The following JARID2 variants were observed in gnomAD, a reference collection of about 807,000 sequenced individuals.
JARID2 encodes the protein protein Jumonji.
In JARID2, 21 loss-of-function variants were observed where a neutral mutation model predicts 125.6. That is an observed-to-expected ratio of 0.17 (90% confidence interval 0.12 to 0.24). JARID2 has a LOEUF of 0.24. Among genes scored for constraint, JARID2 ranks in the 10% least tolerant of loss-of-function variants. The probability of loss-of-function intolerance (pLI) is 1.00; values close to 1 mark genes in which losing one functional copy is unlikely to be tolerated. For missense variants in JARID2, 1,303 were observed against 1,639.6 expected, an observed-to-expected ratio of 0.79 and a Z score of 3.55; for synonymous variants, 736 against 661.6, an observed-to-expected ratio of 1.11 and a Z score of -1.73.
chr6:15,449,066 T>A (rs1247765205), intron 3 of JARID2, among the ~76,000 whole-genome samples: 2 of 152,106 alleles, frequency 1.3e-5, no homozygotes, highest in African/African-American at 4.8e-5. Flanking sequence ...TGAAGCTCTG[T>A]GATTGTCGGA....
chr6:15,520,512 G>C lies in JARID2; in HGVS notation c.*261G>C, dbSNP rs1482924257. On this transcript the variant is annotated 3_prime_UTR_variant, in exon 18 of 18. Coordinates refer to ENST00000341776, the MANE Select transcript of JARID2 (RefSeq NM_004973.4). ...AACCCCGGAGGGGCTGTATTAATTT[G>C]TATTGCCCCATGGCTGACAAAAGCC... 7 of 391,260 alleles carry C rather than the reference G, an allele frequency of 1.8e-5. No homozygotes were observed. The highest frequency in any genetic ancestry group is 3.2e-5 in the Non-Finnish European group (7 of 215,660). The allele number at this position is 391,260 out of a possible 1,614,324, so 24.2% of individuals were successfully genotyped here.
intron 12 of JARID2, among the ~76,000 whole-genome samples, chr6:15,509,944 T>C (rs1489154994): frequency 6.6e-6 from 1 of 152,224 alleles, no homozygotes; most frequent in Non-Finnish European, 1.5e-5. Flanking sequence ...TTAGAAACCC[T>C]GTATTTAAAT....
chr6:15,468,674 C>A lies in JARID2; in HGVS notation c.626C>A (p.Thr209Asn), dbSNP rs928811964. The A allele has an allele frequency of 6.2e-6, 10 of 1,613,666 alleles. No individual in the cohort carries two copies. In the African/African-American group the frequency reaches 1.1e-4, roughly 17 times the overall value. The part of the protein sequence containing the change: ...TNNASSSCQS[T>N]PRKGKTHKHV... ...AATGCTTCATCTTCATGCCAGTCGA[C>A]CCCCAGGAAAGGAAAAACCCACAAA... The change falls in exon 5 of 18, where the codon ACC becomes AAC. Residue 209 changes from threonine (T) to asparagine (N), a missense_variant. Transcript: ENST00000341776.
chr6:15,448,324 T>C (rs1037548574), intron 3 of JARID2, among the ~76,000 whole-genome samples: 2 of 152,210 alleles, frequency 1.3e-5, no homozygotes, highest in African/African-American at 4.8e-5. Flanking sequence ...GAGCAGTTTA[T>C]CTTTGAGGTC....
At position 15,410,220 on chromosome 6, in the gene JARID2, G is replaced by A; in HGVS notation, c.182-4G>A. ...AAGTGTTTGTCCCCTTTTCTCACCTGTAGGGCTCCTTGGTAATGACCAGTC... is the reference window on the plus strand; with the variant it reads ...AAGTGTTTGTCCCCTTTTCTCACCTATAGGGCTCCTTGGTAATGACCAGTC... On this transcript the variant is annotated splice_polypyrimidine_tract_variant and splice_region_variant and intron_variant, in intron 2 of 17. Coordinates refer to ENST00000341776, the MANE Select transcript of JARID2 (RefSeq NM_004973.4). 6.2e-7 allele frequency: 1 copy of A among 1,613,278 alleles called. No homozygotes were observed. The highest frequency in any genetic ancestry group is 8.5e-7 in the Non-Finnish European group (1 of 1,179,412).
At chr6:15,502,010 C>T (rs536013016) in intron 8 of JARID2, among the ~76,000 whole-genome samples, 5 of 152,326 alleles carry the variant, frequency 3.3e-5, no homozygotes, top group African/African-American at 1.2e-4. Context: ...CACTGCCAGC[C>T]CAGCGTTGCC....
At chr6:15,441,966 A>G (rs1767464617) in intron 3 of JARID2, among the ~76,000 whole-genome samples, 2 of 151,896 alleles carry the variant, frequency 1.3e-5, no homozygotes, top group South Asian at 4.2e-4. Context: ...TAATTTTTAT[A>G]TTTTTAGTAG....
chr6:15,394,106 A>G (rs1490608209), intron 2 of JARID2, among the ~76,000 whole-genome samples: 1 of 152,120 alleles, frequency 6.6e-6, no homozygotes, highest in East Asian at 1.9e-4. Context: ...TTTATTGTAA[A>G]GTATATGAGC....
intron 1 of JARID2, among the ~76,000 whole-genome samples, chr6:15,346,739 A>ATTT (rs11321575): frequency 7.3e-6 from 1 of 137,392 alleles, no homozygotes; most frequent in Non-Finnish European, 1.6e-5. Context: ...AGTAATTGTA[A>ATTT]TTTTTTTTTT....
Position 15,501,224 on chromosome 6 carries a change from G to A in JARID2, c.2263G>A (p.Glu755Lys), listed in dbSNP as rs1417007497. 2 of 1,613,800 alleles carry A rather than the reference G, an allele frequency of 1.2e-6. No homozygotes were observed. Among genetic ancestry groups the A allele is most frequent in the Non-Finnish European group, 8.5e-7 (1 of 1,179,780 alleles). Residue 755 changes from glutamate to lysine, a missense_variant, in exon 8 of 18, where the codon GAG becomes AAG. Physicochemically the swap from Glu to Lys is moderately conservative, Grantham distance 56 (BLOSUM62 1). Transcript: ENST00000341776. ...CAAGTTCCACCCTCTGCCCCGCTTC[G>A]AGCCCAAGAATGGGCTCATCCACGG... ...HHKFHPLPRF[E>K]PKNGLIHGVA...
chr6:15,326,069 G>A (rs571787500), intron 1 of JARID2, among the ~76,000 whole-genome samples: 1 of 152,262 alleles, frequency 6.6e-6, no homozygotes, highest in East Asian at 1.9e-4. Context: ...ATATCAATGT[G>A]TATATGAAAC....
At chr6:15,491,218 G>A (rs923864980) in intron 6 of JARID2, among the ~76,000 whole-genome samples, 1 of 152,218 alleles carries the variant, frequency 6.6e-6, no homozygotes, top group African/African-American at 2.4e-5. Flanking sequence ...GCACTTGCTG[G>A]TGGTGGGGTA....
chr6:15,465,130 T>G (rs1768654912), intron 4 of JARID2, among the ~76,000 whole-genome samples: 1 of 152,270 alleles, frequency 6.6e-6, no homozygotes, highest in African/African-American at 2.4e-5. Flanking sequence ...CCATTCATAA[T>G]GTTGGTTGTT....
chr6:15,261,824 C>T (rs1451274455), intron 1 of JARID2, among the ~76,000 whole-genome samples: 2 of 147,022 alleles, frequency 1.4e-5, no homozygotes, highest in African/African-American at 5.0e-5. Context: ...TGCTCTGTCA[C>T]CCAGGCTGTA....
rs534249802 is a variant in JARID2, at chr6:15,375,462, G to A, written c.181+1210G>A. 8.3e-4 allele frequency among the ~76,000 whole-genome samples: 127 copies of A among 152,310 alleles called. 1 individual carries two copies. Among genetic ancestry groups the A allele is most frequent in the Non-Finnish European group, 1.5e-3 (104 of 68,022 alleles). On this transcript the variant is annotated intron_variant, in intron 2 of 17. Coordinates refer to ENST00000341776, the MANE Select transcript of JARID2 (RefSeq NM_004973.4). ...AATCTCAGCCAACATGTATGGGAAA[G>A]GCCCATTTTGAGTCTTAACATTTGC... is the stretch of plus-strand genomic sequence containing the variant.
In JARID2 at chr6:15,508,013, C is replaced by T. The variant is rs1416143680; in HGVS notation, c.2732-327C>T. On this transcript the variant is annotated intron_variant, in intron 11 of 17. Coordinates refer to ENST00000341776, the MANE Select transcript of JARID2 (RefSeq NM_004973.4). Reference sequence around the variant, plus strand: ...CCCTGATGGGGGTTTTTGGGTTTGGCGCCTCTGGTCCTCAGCCTTGAGGCT... The same window carrying T: ...CCCTGATGGGGGTTTTTGGGTTTGGTGCCTCTGGTCCTCAGCCTTGAGGCT... Among the ~76,000 whole-genome samples, 3 of 152,226 alleles carry T rather than the reference C, an allele frequency of 2.0e-5. No homozygotes were observed. The South Asian group carries it at 6.2e-4, about 32-fold the overall frequency.
chr6:15,305,815 A>T (rs1761800751), intron 1 of JARID2, among the ~76,000 whole-genome samples: 1 of 152,182 alleles, frequency 6.6e-6, no homozygotes, highest in Non-Finnish European at 1.5e-5. Context: ...TAACTGTTTA[A>T]ATAAAGTCCT....
intron 16 of JARID2, 136 bp from the exon 17 acceptor site, chr6:15,517,025 G>A (rs544800328): frequency 1.7e-5 from 11 of 643,798 alleles, no homozygotes; most frequent in East Asian, 1.1e-4. Context: ...CCCTTGGCCC[G>A]GGTGGTGGGT....
chr6:15,383,655 C>T (rs866139253), intron 2 of JARID2, among the ~76,000 whole-genome samples: 4 of 152,114 alleles, frequency 2.6e-5, no homozygotes, highest in Admixed American at 6.5e-5. Context: ...AAACCCCTCA[C>T]GTTGGGCCAC....
Sources: gnomAD v4.1 joint callset for allele counts (sites outside exome capture counted in the v4.1 genomes callset) on GRCh38, gnomAD v4.1.1 for gene constraint, MANE v1.5 for transcripts, NCBI Gene and HGNC (gene_info 2026-07-23, HGNC 2026-07-21) for gene names.